DLGAP2: variants seen among roughly 807,000 people sequenced by gnomAD.
DLGAP2 encodes the protein DLG associated protein 2, also known as disks large-associated protein 2.
In DLGAP2, 26 loss-of-function variants were observed where a neutral mutation model predicts 100.3. The ratio of observed to expected loss-of-function variants is 0.26; its 90% CI spans 0.19 to 0.36. The LOEUF is 0.36. Ranked by LOEUF, DLGAP2 falls within the 10% of genes least tolerant of loss-of-function variation. The pLI is 1.00. For synonymous variants in DLGAP2, 886 were observed against 630.1 expected, an observed-to-expected ratio of 1.41 and a Z score of -6.08; for missense variants, 1,858 against 1,453.2, an observed-to-expected ratio of 1.28 and a Z score of -4.53.
intron 3 of DLGAP2, among the ~76,000 whole-genome samples, chr8:1,425,813 T>C (rs982029221): frequency 1.3e-5 from 2 of 152,096 alleles, no homozygotes; most frequent in African/African-American, 4.8e-5. Flanking sequence ...GTCAGGGCCC[T>C]AGACCGAGAA....
intron 3 of DLGAP2, among the ~76,000 whole-genome samples, chr8:1,310,807 A>G (rs1800595745): frequency 6.6e-6 from 1 of 152,116 alleles, no homozygotes; most frequent in Admixed American, 6.6e-5. Flanking sequence ...ACAGGCACCC[A>G]CCACCACACC....
chr8:822,633 A>C (rs1041742906), intron 1 of DLGAP2, among the ~76,000 whole-genome samples: 1 of 152,226 alleles, frequency 6.6e-6, no homozygotes, highest in Admixed American at 6.5e-5. Context: ...AACTGTCCCC[A>C]AATACTGCCA....
chr8:1,127,360 G>C (rs953061037), intron 2 of DLGAP2, among the ~76,000 whole-genome samples: 1 of 151,988 alleles, frequency 6.6e-6, no homozygotes. Flanking sequence ...TGAGAGCCAT[G>C]GGCCCCAGGT....
At chr8:1,558,080 C>T (rs1013121385) in intron 5 of DLGAP2, among the ~76,000 whole-genome samples, 13 of 152,174 alleles carry the variant, frequency 8.5e-5, no homozygotes, top group Non-Finnish European at 1.9e-4. Flanking sequence ...GAGCAGGCAC[C>T]TTGGTCCTCG....
intron 3 of DLGAP2, among the ~76,000 whole-genome samples, chr8:1,321,499 A>T (rs886719042): frequency 6.6e-6 from 1 of 152,268 alleles, no homozygotes; most frequent in Non-Finnish European, 1.5e-5. Flanking sequence ...CGTGACCACC[A>T]TGCTGCTTGG....
intron 1 of DLGAP2, among the ~76,000 whole-genome samples, chr8:762,525 G>T (rs575002884): frequency 6.6e-6 from 1 of 152,072 alleles, no homozygotes; most frequent in Non-Finnish European, 1.5e-5. Flanking sequence ...AAACCATTCC[G>T]AGTCGCCACT....
intron 1 of DLGAP2, among the ~76,000 whole-genome samples, chr8:825,426 C>G (rs769343147): frequency 6.6e-6 from 1 of 152,180 alleles, no homozygotes; most frequent in African/African-American, 2.4e-5. Context: ...GGCCTCTGCC[C>G]GGAGGCAGCC....
intron 2 of DLGAP2, among the ~76,000 whole-genome samples, chr8:1,140,464 C>T (rs1299209253): frequency 6.6e-6 from 1 of 152,162 alleles, no homozygotes; most frequent in Non-Finnish European, 1.5e-5. Flanking sequence ...AGCCCTGGTG[C>T]CCTTCGGAGG....
At chr8:1,646,630 C>T (rs546076121) in intron 8 of DLGAP2, among the ~76,000 whole-genome samples, 11 of 152,324 alleles carry the variant, frequency 7.2e-5, no homozygotes, top group African/African-American at 2.4e-4. Context: ...AGGTCAGAAA[C>T]TTCAGTCCTT....
At chr8:1,034,452 A>G (rs372177622) in intron 2 of DLGAP2, among the ~76,000 whole-genome samples, 2,578 of 6,606 alleles carry the variant, frequency 0.39, 699 homozygotes, top group Admixed American at 0.46. Context: ...CGCTCATCCC[A>G]ACCCCGCGTG....
intron 3 of DLGAP2, among the ~76,000 whole-genome samples, chr8:1,423,539 C>A (rs1797159502): frequency 6.6e-6 from 1 of 152,256 alleles, no homozygotes; most frequent in South Asian, 2.1e-4. Context: ...AGGCTTAATA[C>A]TCCTGAAGTG....
At chr8:879,525 C>T (rs552825899) in intron 1 of DLGAP2, among the ~76,000 whole-genome samples, 24 of 152,256 alleles carry the variant, frequency 1.6e-4, no homozygotes, top group African/African-American at 5.5e-4. Context: ...AGAGTCATTA[C>T]CATCTGACCC....
rs182388986 is a variant in DLGAP2 at position 1,218,992 on chromosome 8, C to T, written c.74-39859C>T. On this transcript the variant is annotated intron_variant, in intron 2 of 14. Transcript: ENST00000637795. ...ACTGAGTTTATATCCTGAGACTTTACTGAAGTTTATCAGTTTTAGGAGCCT... is the reference window on the plus strand; with the variant it reads ...ACTGAGTTTATATCCTGAGACTTTATTGAAGTTTATCAGTTTTAGGAGCCT... Among the ~76,000 whole-genome samples the T allele has an allele frequency of 2.1e-4, 32 of 152,244 alleles. 1 individual carries two copies. Among genetic ancestry groups the T allele is most frequent in the Admixed American group, 5.9e-4 (9 of 15,286 alleles).
At chr8:1,178,083 C>G (rs1216448065) in intron 2 of DLGAP2, among the ~76,000 whole-genome samples, 3 of 152,184 alleles carry the variant, frequency 2.0e-5, no homozygotes, top group African/African-American at 7.2e-5. Flanking sequence ...GCTCTGGGAC[C>G]TGAGCTGGTG....
At chr8:1,356,446 C>G (rs1043092970) in intron 3 of DLGAP2, among the ~76,000 whole-genome samples, 1 of 152,220 alleles carries the variant, frequency 6.6e-6, no homozygotes, top group African/African-American at 2.4e-5. Flanking sequence ...AAATGCCCGT[C>G]AGAGGCTGCA....
chr8:1,265,888 C>T (rs1011951104), intron 3 of DLGAP2, among the ~76,000 whole-genome samples: 1 of 152,106 alleles, frequency 6.6e-6, no homozygotes, highest in Non-Finnish European at 1.5e-5. Context: ...GCTCATACAA[C>T]ACAAAGCACA....
intron 4 of DLGAP2, among the ~76,000 whole-genome samples, chr8:1,524,584 T>C (rs1207015790): frequency 6.6e-6 from 1 of 152,160 alleles, no homozygotes; most frequent in Non-Finnish European, 1.5e-5. Flanking sequence ...ATCTTCTCCT[T>C]GTGTCCTCAC....
intron 3 of DLGAP2, among the ~76,000 whole-genome samples, chr8:1,490,817 A>G (rs1012175981): frequency 1.1e-4 from 17 of 150,994 alleles, no homozygotes; most frequent in Admixed American, 9.2e-4. Context: ...GATTTAGCCA[A>G]TGAAATTGAG....
intron 6 of DLGAP2, among the ~76,000 whole-genome samples, chr8:1,600,012 G>C (rs1469132098): frequency 6.6e-6 from 1 of 152,118 alleles, no homozygotes; most frequent in Admixed American, 6.5e-5. Context: ...GCTGGTACCG[G>C]TTTTTGCTTT....
Sources: allele counts gnomAD v4.1 joint callset (sites outside exome capture counted in the v4.1 genomes callset), GRCh38; gene constraint gnomAD v4.1.1; transcripts MANE v1.5; gene names NCBI Gene and HGNC (gene_info 2026-07-23, HGNC 2026-07-21).